The following ST8SIA6 variants were observed in gnomAD, a reference collection of about 807,000 sequenced individuals.
ST8SIA6 encodes alpha-2,8-sialyltransferase 8F.
In ST8SIA6, 39 loss-of-function variants were observed where a neutral mutation model predicts 33.6. That is an observed-to-expected ratio of 1.16 (90% CI 0.90 to 1.52). The LOEUF is 1.52. Ranked by LOEUF, ST8SIA6 falls within the 40% of genes most tolerant of loss-of-function variation. ST8SIA6 has a pLI of 0.00. For synonymous variants in ST8SIA6, 172 were observed against 167.2 expected (o/e 1.03, Z -0.22); for missense variants, 441 against 443.8 (o/e 0.99, Z 0.06).
At chr10:17,398,476 A>G (rs547701887) in intron 2 of ST8SIA6, among the ~76,000 whole-genome samples, 4 of 152,352 alleles carry the variant, frequency 2.6e-5, no homozygotes, top group Non-Finnish European at 5.9e-5. Flanking sequence ...CACCCTCTGT[A>G]TATGACTCGT....
intron 7 of ST8SIA6, 116 bp from the exon 8 acceptor site, chr10:17,321,462 A>T (rs1007877772): frequency 1.0e-5 from 8 of 795,260 alleles, no homozygotes; most frequent in African/African-American, 1.7e-5. Context: ...TGTATACTGT[A>T]TATAAAACAG....
intron 4 of ST8SIA6, among the ~76,000 whole-genome samples, chr10:17,350,303 T>A (rs536045657): frequency 6.6e-6 from 1 of 152,226 alleles, no homozygotes; most frequent in African/African-American, 2.4e-5. Context: ...TTTGAGTATT[T>A]AAGAAATGAA....
chr10:17,433,135 C>A (rs962363726), intron 2 of ST8SIA6, among the ~76,000 whole-genome samples: 4 of 152,172 alleles, frequency 2.6e-5, no homozygotes, highest in African/African-American at 9.7e-5. Context: ...AATGACAGGT[C>A]ACATCCCAAC....
chr10:17,348,994 C>T (rs1330113690), intron 4 of ST8SIA6, among the ~76,000 whole-genome samples: 1 of 152,132 alleles, frequency 6.6e-6, no homozygotes, highest in Non-Finnish European at 1.5e-5. Context: ...CCTGATTAGA[C>T]CTCAGAGCAC....
At chr10:17,339,266 A>G (rs1404635785) in intron 4 of ST8SIA6, among the ~76,000 whole-genome samples, 1 of 152,172 alleles carries the variant, frequency 6.6e-6, no homozygotes, top group Non-Finnish European at 1.5e-5. Flanking sequence ...CTTAAGGCTT[A>G]CAGTTCACAG....
intron 3 of ST8SIA6, 37 bp from the exon 4 acceptor site, chr10:17,359,637 A>G: frequency 7.5e-7 from 1 of 1,338,930 alleles, no homozygotes; most frequent in Non-Finnish European, 1.0e-6. Context: ...GAAAATAATG[A>G]TCTCATATGT....
chr10:17,345,105 G>A (rs566178493), intron 4 of ST8SIA6, among the ~76,000 whole-genome samples: 5 of 152,250 alleles, frequency 3.3e-5, no homozygotes, highest in Admixed American at 6.5e-5. Context: ...AGGGGGAGGA[G>A]GAGGGAAGAG....
At chr10:17,390,056 C>G (rs1257133991) in intron 3 of ST8SIA6, among the ~76,000 whole-genome samples, 1 of 152,180 alleles carries the variant, frequency 6.6e-6, no homozygotes, top group Non-Finnish European at 1.5e-5. Flanking sequence ...GTGGTGCCAT[C>G]ATAGCTCACT....
intron 2 of ST8SIA6, among the ~76,000 whole-genome samples, chr10:17,415,717 A>C (rs1375105550): frequency 6.6e-6 from 1 of 151,946 alleles, no homozygotes; most frequent in African/African-American, 2.4e-5. Context: ...TGCAGAGTGG[A>C]AAGAAAGGGC....
At chr10:17,450,983 T>C (rs1049085500) in intron 2 of ST8SIA6, among the ~76,000 whole-genome samples, 3 of 152,194 alleles carry the variant, frequency 2.0e-5, no homozygotes, top group Non-Finnish European at 4.4e-5. Context: ...TGGATTCTCC[T>C]GGCCTGGGTT....
At chr10:17,350,816 T>C (rs1214997555) in intron 4 of ST8SIA6, among the ~76,000 whole-genome samples, 1 of 152,174 alleles carries the variant, frequency 6.6e-6, no homozygotes, top group Non-Finnish European at 1.5e-5. Flanking sequence ...CGGCCATTGA[T>C]AGTTATCCCT....
intron 4 of ST8SIA6, among the ~76,000 whole-genome samples, chr10:17,332,954 A>G (rs1848348112): frequency 6.6e-6 from 1 of 152,120 alleles, no homozygotes; most frequent in Non-Finnish European, 1.5e-5. Context: ...AATCCTGGAT[A>G]TCAGACCTTT....
intron 4 of ST8SIA6, among the ~76,000 whole-genome samples, chr10:17,358,621 GGAAA>G (rs923210745): frequency 1.4e-5 from 2 of 147,970 alleles, no homozygotes; most frequent in Non-Finnish European, 3.0e-5. Flanking sequence ...GAGGAAGGAA[GGAAA>G]GAAGGAAGGA....
rs554081495 is a variant in ST8SIA6 at position 17,437,089 on chromosome 10, A to C, written c.200+16470T>G. 2.6e-5 allele frequency among the ~76,000 whole-genome samples: 4 copies of C among 152,248 alleles called. No individual in the cohort carries two copies. In the East Asian group the frequency reaches 7.7e-4, roughly 29 times the overall value. ...CACTCCATCTGTGTGTATGCCCCAA[A>C]TTGCAATTCTATGATTCCCAAATAA... On this transcript the variant is annotated intron_variant, in intron 2 of 7. Coordinates refer to ENST00000377602, the MANE Select transcript of ST8SIA6 (RefSeq NM_001004470.3).
intron 4 of ST8SIA6, among the ~76,000 whole-genome samples, chr10:17,346,049 G>C (rs1171604544): frequency 1.3e-5 from 2 of 152,188 alleles, no homozygotes; most frequent in Non-Finnish European, 2.9e-5. Context: ...CTTCTGCCTG[G>C]ATCTCTTGGA....
intron 2 of ST8SIA6, among the ~76,000 whole-genome samples, chr10:17,448,720 A>G (rs1157296181): frequency 6.7e-6 from 1 of 149,954 alleles, no homozygotes; most frequent in Admixed American, 6.6e-5. Context: ...GGTTCACTCC[A>G]TTCTCCCACC....
chr10:17,427,117 AAG>A (rs1491071872), intron 2 of ST8SIA6, among the ~76,000 whole-genome samples: 1 of 151,720 alleles, frequency 6.6e-6, no homozygotes, highest in African/African-American at 2.4e-5. Flanking sequence ...AAAAAAAAAA[AAG>A]TTCTGTGCAT....
chr10:17,323,600 G>A (rs112469947), intron 6 of ST8SIA6, among the ~76,000 whole-genome samples: 1 of 151,860 alleles, frequency 6.6e-6, no homozygotes, highest in Non-Finnish European at 1.5e-5. Flanking sequence ...GGCCAGGCTT[G>A]TCTTGAACCC....
intron 4 of ST8SIA6, among the ~76,000 whole-genome samples, chr10:17,356,909 AGAAAG>A (rs554242750): frequency 5.4e-4 from 83 of 152,318 alleles, no homozygotes; most frequent in African/African-American, 1.8e-3. Flanking sequence ...TCCAAAAAAA[AGAAAG>A]GAAAGGAAGA....
Sources: allele counts gnomAD v4.1 joint callset (sites outside exome capture counted in the v4.1 genomes callset), GRCh38; gene constraint gnomAD v4.1.1; transcripts MANE v1.5; gene names NCBI Gene and HGNC (gene_info 2026-07-23, HGNC 2026-07-21).